The following SCOC variants were observed in gnomAD, a reference collection of about 807,000 sequenced individuals.
The protein encoded by SCOC is short coiled-coil protein.
A neutral mutation model predicts 9.9 loss-of-function variants in SCOC; 7 were observed. That is an observed-to-expected ratio of 0.71 (90% CI 0.40 to 1.33). The LOEUF (loss-of-function observed/expected upper bound fraction) is 1.33, where lower values mean the gene tolerates loss of function less well. SCOC is among the 40% of genes most tolerant of loss of function. The probability of loss-of-function intolerance (pLI) is 0.01; values close to 1 mark genes in which losing one functional copy is unlikely to be tolerated. For missense variants in SCOC, 66 were observed against 89.7 expected (o/e 0.74, Z 1.07); for synonymous variants, 19 against 28.2 (o/e 0.67, Z 1.03).
At chr4:140,353,193 C>T (rs1727051901) in intron 2 of SCOC, among the ~76,000 whole-genome samples, 3 of 152,050 alleles carry the variant, frequency 2.0e-5, no homozygotes, top group Admixed American at 1.3e-4. Context: ...AAGGAGGACA[C>T]GGGCCCCAAA....
chr4:140,357,028 G>A (rs1161425446), intron 2 of SCOC, among the ~76,000 whole-genome samples: 1 of 152,146 alleles, frequency 6.6e-6, no homozygotes, highest in Admixed American at 6.5e-5. Flanking sequence ...GGAGTGCAGT[G>A]GTGCAATCTC....
At chr4:140,311,658 G>A (rs1732159500) in intron 1 of SCOC, among the ~76,000 whole-genome samples, 1 of 152,118 alleles carries the variant, frequency 6.6e-6, no homozygotes, top group Non-Finnish European at 1.5e-5. Context: ...TGGGGAACAG[G>A]GGTGCCTTGG....
rs1728624809 is a variant in SCOC, at chr4:140,383,322, A to T, written c.*2218A>T. ...AATCTAGGATCTCTATTAAAGGTCC[A>T]TCCCTTTACATGTGGCTTCTAATAG... is the stretch of plus-strand genomic sequence containing the variant. On this transcript the variant is annotated 3_prime_UTR_variant, in exon 4 of 4. Transcript: ENST00000608372. 6.6e-6 allele frequency: 1 copy of T among 152,222 alleles called. No individual in the cohort carries two copies. Among genetic ancestry groups the T allele is most frequent in the African/African-American group, 2.4e-5 (1 of 41,462 alleles). 9.4% of individuals were successfully genotyped at this position (152,222 alleles called of 1,614,324 possible). A position where few individuals can be genotyped will look rare whatever the true frequency, so the allele number is the denominator to read the frequency against.
intron 1 of SCOC, among the ~76,000 whole-genome samples, chr4:140,270,201 T>A (rs1334495261): frequency 6.6e-6 from 1 of 152,212 alleles, no homozygotes; most frequent in Non-Finnish European, 1.5e-5. Flanking sequence ...CTAAAGGAAC[T>A]GATAAAATAA....
intron 1 of SCOC, among the ~76,000 whole-genome samples, chr4:140,299,904 G>A (rs549279350): frequency 1.3e-5 from 2 of 152,270 alleles, no homozygotes; most frequent in Admixed American, 1.3e-4. Flanking sequence ...CCCACCCTCT[G>A]CCTTTAAAGC....
intron 1 of SCOC, among the ~76,000 whole-genome samples, chr4:140,272,737 A>G (rs571654736): frequency 1.3e-5 from 2 of 152,108 alleles, no homozygotes; most frequent in Admixed American, 6.5e-5. Flanking sequence ...GAAGAAAGGG[A>G]TACTTTTAAT....
intron 2 of SCOC, among the ~76,000 whole-genome samples, chr4:140,362,301 T>TCTTCTTCTTGTTCTTCTTCTTC: frequency 2.0e-4 from 6 of 29,408 alleles, no homozygotes; most frequent in African/African-American, 7.0e-4. Flanking sequence ...TTCTTCTTCT[T>TCTTCTTCTTGTTCTTCTTCTTC]TTTTTTTTTT....
At chr4:140,293,118 T>C (rs1174048046) in intron 1 of SCOC, 7 of 364,500 alleles carry the variant, frequency 1.9e-5, no homozygotes, top group South Asian at 8.3e-5. Context: ...TACGTGTAGC[T>C]CATGTGTTCC....
In SCOC at chr4:140,381,350, TAA is replaced by T; in HGVS notation, c.*248_*249del. Reference sequence around the variant, plus strand: ...TAGAATTGCATATATTTATGAAACTTAAAGATGAATGTTTTATTGAATTTGTA... The same window carrying T: ...TAGAATTGCATATATTTATGAAACTTAGATGAATGTTTTATTGAATTTGTA... On this transcript the variant is annotated 3_prime_UTR_variant, in exon 4 of 4. Transcript: ENST00000608372. 3.3e-6 allele frequency: 1 copy of T among 298,872 alleles called. No homozygotes were observed. 18.5% of individuals were successfully genotyped at this position (298,872 alleles called of 1,614,324 possible).
chr4:140,293,522 G>A (rs1731538131), intron 1 of SCOC: 1 of 388,746 alleles, frequency 2.6e-6, no homozygotes, highest in Non-Finnish European at 5.1e-6. Flanking sequence ...GGATTGGATA[G>A]GAAGAAAGGA....
At chr4:140,374,126 C>T (rs1023529897) in intron 1 of SCOC, 14 of 465,214 alleles carry the variant, frequency 3.0e-5, no homozygotes, top group African/African-American at 2.2e-4. Context: ...CTGCGAGAGC[C>T]TGAGAGATGG....
intron 1 of SCOC, chr4:140,284,246 A>AG (rs1362739465): frequency 1.3e-5 from 2 of 151,378 alleles, no homozygotes; most frequent in African/African-American, 4.9e-5. Context: ...ATAATTAAAA[A>AG]AAAAACCCAA....
At chr4:140,263,961 G>A (rs1177834436) in intron 1 of SCOC, among the ~76,000 whole-genome samples, 1 of 152,170 alleles carries the variant, frequency 6.6e-6, no homozygotes, top group African/African-American at 2.4e-5. Context: ...AGGTTGAAAA[G>A]TCTCACAAAT....
intron 1 of SCOC, among the ~76,000 whole-genome samples, chr4:140,268,551 T>C (rs1730778126): frequency 6.6e-6 from 1 of 152,228 alleles, no homozygotes; most frequent in South Asian, 2.1e-4. Flanking sequence ...GACTTTTTGT[T>C]TTCCCTTTTG....
At chr4:140,297,244 G>A (rs561894564) in intron 1 of SCOC, among the ~76,000 whole-genome samples, 30 of 138,840 alleles carry the variant, frequency 2.2e-4, no homozygotes, top group Admixed American at 2.1e-3. Flanking sequence ...GGAAAATGCC[G>A]GAGAGGAGAG....
At position 140,333,836 on chromosome 4, in the gene SCOC, C is replaced by A. The variant is rs1250992924; in HGVS notation, c.-18-9785C>A. Among the ~76,000 whole-genome samples, 4 of 152,158 alleles carry A rather than the reference C, an allele frequency of 2.6e-5. No homozygotes were observed. In the East Asian group the frequency reaches 7.7e-4, roughly 29 times the overall value. On this transcript the variant is annotated intron_variant, in intron 1 of 4. Coordinates refer to the SCOC transcript ENST00000394205. ...GAAGCTACAAATCCACATCATTTAA[C>A]CCCTTGTTGTTATGTTGAATTAGGA...
chr4:140,349,325 C>CT (rs1430088781), intron 2 of SCOC, among the ~76,000 whole-genome samples: 3 of 152,180 alleles, frequency 2.0e-5, no homozygotes, highest in African/African-American at 7.2e-5. Flanking sequence ...TTAAGAGACA[C>CT]TGAATATTTC....
chr4:140,283,029 GAGA>G (rs547387600), intron 1 of SCOC, among the ~76,000 whole-genome samples: 231 of 152,336 alleles, frequency 1.5e-3, no homozygotes, highest in African/African-American at 4.5e-3. Flanking sequence ...AAGGCTGAGG[GAGA>G]AGAAGTTTGT....
chr4:140,274,604 C>T (rs974929259), intron 1 of SCOC, among the ~76,000 whole-genome samples: 4 of 152,120 alleles, frequency 2.6e-5, no homozygotes, highest in South Asian at 2.1e-4. Flanking sequence ...TGTGTTCTGC[C>T]GCAAAAAGGG....
Sources: allele counts gnomAD v4.1 joint callset (sites outside exome capture counted in the v4.1 genomes callset), GRCh38; gene constraint gnomAD v4.1.1; transcripts MANE v1.5; gene names NCBI Gene and HGNC (gene_info 2026-07-23, HGNC 2026-07-21).